Variants in CAMTA1 observed in about 807,000 individuals in gnomAD.
CAMTA1 encodes the protein calmodulin binding transcription activator 1, also known as calmodulin-binding transcription activator 1.
CAMTA1 carries 27 observed loss-of-function variants against 170.9 expected under a neutral mutation model. That is an observed-to-expected ratio of 0.16 (90% confidence interval 0.12 to 0.22). The LOEUF (loss-of-function observed/expected upper bound fraction) is 0.22. Ranked by LOEUF, CAMTA1 falls within the 10% of genes least tolerant of loss-of-function variation. CAMTA1 has a pLI of 1.00. For synonymous variants in CAMTA1, 833 were observed against 891.5 expected (o/e 0.93, Z 1.17); for missense variants, 1,619 against 2,217.2 (o/e 0.73, Z 5.42).
Position 7,598,732 on chromosome 1 carries a change from G to A in CAMTA1, c.511-41668G>A, listed in dbSNP as rs533222119. On this transcript the variant is annotated intron_variant, in intron 6 of 22. Transcript: ENST00000303635. ...TCATGTGTCTTTTGGCTGCATAAAT[G>A]TCTTCTTTTGAGAAGTGTCTGTTCA... is the stretch of plus-strand genomic sequence containing the variant. 5.3e-3 allele frequency among the ~76,000 whole-genome samples: 811 copies of A among 152,272 alleles called. 5 individuals carry two copies. The highest frequency in any genetic ancestry group is 0.014 in the Middle Eastern group (4 of 294).
At chr1:6,814,715 ATAGTAAAGGTGCTAAG>A (rs1264723179) in intron 1 of CAMTA1, among the ~76,000 whole-genome samples, 6 of 152,238 alleles carry the variant, frequency 3.9e-5, no homozygotes, top group Admixed American at 6.5e-5. Flanking sequence ...TTTTTAAAAA[ATAGTAAAGGTGCTAAG>A]TAGTAAAGGT....
rs376228519 is a variant in CAMTA1 at position 7,417,440 on chromosome 1, C to T, written c.439-50390C>T. Among the ~76,000 whole-genome samples the T allele has an allele frequency of 1.5e-4, 22 of 151,596 alleles. No homozygotes were observed. In the East Asian group the frequency reaches 2.9e-3, roughly 20 times the overall value. On this transcript the variant is annotated intron_variant, in intron 5 of 22. Coordinates refer to ENST00000303635, the MANE Select transcript of CAMTA1 (RefSeq NM_015215.4). ...TGGGCTCCACCCAGTTCGAGCTTCC[C>T]GGCTGCTTTGTTTACCTAAGCAAGC...
intron 11 of CAMTA1, among the ~76,000 whole-genome samples, chr1:7,689,653 G>A (rs538514308): frequency 1.4e-4 from 21 of 152,304 alleles, no homozygotes; most frequent in African/African-American, 2.2e-4. Flanking sequence ...TCAGGAGTTG[G>A]AACTTGTCCC....
chr1:7,754,693 C>T (rs904447810), intron 21 of CAMTA1, among the ~76,000 whole-genome samples: 2 of 152,100 alleles, frequency 1.3e-5, no homozygotes, highest in Non-Finnish European at 2.9e-5. Context: ...ATGAAGAGAA[C>T]ATCAGATACG....
rs778587406 is a variant in CAMTA1 at position 7,745,853 on chromosome 1, A to G, written c.4379A>G (p.Tyr1460Cys). ...TTCTCCTCTTGTTTCAGAAGTGCAT[A>G]TAACGAGCCTCTAACCCCTTCTTCT... is the stretch of plus-strand genomic sequence containing the variant. ...LPSAAQIRSA[Y>C]NEPLTPSSNT... Residue 1460 changes from tyrosine (Y) to cysteine (C), a missense_variant, in exon 18 of 23, where the codon TAT becomes TGT. By Grantham distance (194) the Tyr-to-Cys change is radical. Coordinates refer to ENST00000303635, the MANE Select transcript of CAMTA1 (RefSeq NM_015215.4). The G allele has an allele frequency of 1.4e-5, 23 of 1,614,080 alleles. No individual in the cohort carries two copies.
At chr1:7,321,869 G>A (rs1440952800) in intron 5 of CAMTA1, among the ~76,000 whole-genome samples, 2 of 152,038 alleles carry the variant, frequency 1.3e-5, no homozygotes, top group Non-Finnish European at 2.9e-5. Context: ...ATCAGGCCCA[G>A]CACCTCCCCT....
chr1:7,647,974 C>G (rs2095821148), intron 7 of CAMTA1, among the ~76,000 whole-genome samples: 1 of 152,144 alleles, frequency 6.6e-6, no homozygotes, highest in South Asian at 2.1e-4. Flanking sequence ...GCCCCAGCTA[C>G]TTGGGAGGCT....
intron 3 of CAMTA1, among the ~76,000 whole-genome samples, chr1:7,082,899 A>G (rs1640220683): frequency 6.6e-6 from 1 of 152,070 alleles, no homozygotes. Context: ...ATAGCCCTGG[A>G]TCCTGCACCC....
At chr1:7,697,067 A>G (rs969085752) in intron 11 of CAMTA1, among the ~76,000 whole-genome samples, 1 of 152,142 alleles carries the variant, frequency 6.6e-6, no homozygotes, top group African/African-American at 2.4e-5. Flanking sequence ...GGATTACTCA[A>G]TCTGCCTAGG....
At chr1:7,088,356 T>C (rs1005356918) in intron 3 of CAMTA1, among the ~76,000 whole-genome samples, 5 of 152,112 alleles carry the variant, frequency 3.3e-5, no homozygotes, top group Admixed American at 6.5e-5. Flanking sequence ...TCATTAAACA[T>C]GACGTGACCC....
intron 4 of CAMTA1, among the ~76,000 whole-genome samples, chr1:7,145,061 G>A (rs1395984421): frequency 2.0e-5 from 3 of 152,228 alleles, no homozygotes; most frequent in Admixed American, 2.0e-4. Context: ...GGGGAAGTAA[G>A]GGAGTGAGGT....
chr1:7,753,964 C>T (rs1171719824), intron 21 of CAMTA1, among the ~76,000 whole-genome samples: 2 of 152,238 alleles, frequency 1.3e-5, no homozygotes, highest in African/African-American at 4.8e-5. Context: ...TTACCAAAGG[C>T]AGCCTCTTTC....
chr1:7,381,515 T>TG (rs1362200618), intron 5 of CAMTA1, among the ~76,000 whole-genome samples: 1 of 151,794 alleles, frequency 6.6e-6, no homozygotes, highest in Non-Finnish European at 1.5e-5. Flanking sequence ...TAGTATTCCA[T>TG]GGGGTATATG....
chr1:6,960,426 C>A (rs188826743), intron 3 of CAMTA1, among the ~76,000 whole-genome samples: 1 of 152,032 alleles, frequency 6.6e-6, no homozygotes, highest in Non-Finnish European at 1.5e-5. Flanking sequence ...CAGTCTGGGC[C>A]GACTGCCCCT....
intron 11 of CAMTA1, among the ~76,000 whole-genome samples, chr1:7,723,172 G>A (rs972736076): frequency 6.6e-6 from 1 of 152,136 alleles, no homozygotes; most frequent in African/African-American, 2.4e-5. Flanking sequence ...CCACTCCTTA[G>A]AGAAATGGAC....
intron 4 of CAMTA1, among the ~76,000 whole-genome samples, chr1:7,180,327 C>T (rs867540927): frequency 6.0e-5 from 9 of 151,182 alleles, no homozygotes; most frequent in African/African-American, 9.7e-5. Flanking sequence ...CATTGCACTC[C>T]GGCCTGGGTG....
intron 3 of CAMTA1, among the ~76,000 whole-genome samples, chr1:6,978,394 G>A (rs1346030688): frequency 6.6e-6 from 1 of 152,156 alleles, no homozygotes; most frequent in Non-Finnish European, 1.5e-5. Context: ...AGCACTTTGG[G>A]AGGTTGAGGT....
intron 6 of CAMTA1, among the ~76,000 whole-genome samples, chr1:7,619,785 G>A (rs1220611826): frequency 2.6e-5 from 4 of 152,030 alleles, no homozygotes; most frequent in Non-Finnish European, 4.4e-5. Context: ...GAGTAGCTGG[G>A]ATTATAGGCA....
At chr1:6,865,277 G>A (rs1166498800) in intron 3 of CAMTA1, among the ~76,000 whole-genome samples, 1 of 152,142 alleles carries the variant, frequency 6.6e-6, no homozygotes, top group Non-Finnish European at 1.5e-5. Context: ...GATCTAGAAA[G>A]TGTGTTCAGC....
Sources: gnomAD v4.1 joint callset for allele counts (sites outside exome capture counted in the v4.1 genomes callset) on GRCh38, gnomAD v4.1.1 for gene constraint, MANE v1.5 for transcripts, NCBI Gene and HGNC (gene_info 2026-07-23, HGNC 2026-07-21) for gene names.